DCLK2: variants seen among roughly 807,000 people sequenced by gnomAD.
The protein encoded by DCLK2 is serine/threonine-protein kinase DCLK2.
DCLK2 carries 31 observed loss-of-function variants against 78.4 expected under a neutral mutation model. The observed-to-expected ratio is 0.40, with a 90% CI of 0.30 to 0.53. The LOEUF is 0.53. Among genes scored for constraint, DCLK2 ranks in the 20% least tolerant of loss-of-function variants. DCLK2 has a pLI of 0.61. For missense variants in DCLK2, 872 were observed against 973.7 expected, an observed-to-expected ratio of 0.90 and a Z score of 1.39; for synonymous variants, 407 against 374.9, an observed-to-expected ratio of 1.09 and a Z score of -0.99.
chr4:150,196,321 G>A (rs930601412), intron 3 of DCLK2, among the ~76,000 whole-genome samples: 2 of 151,976 alleles, frequency 1.3e-5, no homozygotes, highest in Admixed American at 6.6e-5. Context: ...TAAAAGAGTA[G>A]CAATGCATTT....
intron 1 of DCLK2, among the ~76,000 whole-genome samples, chr4:150,085,596 T>C (rs1729581861): frequency 6.6e-6 from 1 of 152,158 alleles, no homozygotes; most frequent in Non-Finnish European, 1.5e-5. Context: ...CACCTGAAGC[T>C]TGGGAGATGT....
At chr4:150,176,725 G>A (rs2150273706) in intron 2 of DCLK2, among the ~76,000 whole-genome samples, 1 of 152,318 alleles carries the variant, frequency 6.6e-6, no homozygotes, top group East Asian at 1.9e-4. Context: ...AAAAGAGACT[G>A]CATTCCCTTT....
rs1196828640 is a variant in DCLK2 at position 150,256,469 on chromosome 4, C to T, written c.*222C>T. 8 of 552,248 alleles carry T rather than the reference C, an allele frequency of 1.4e-5. No homozygotes were observed. The highest frequency in any genetic ancestry group is 4.0e-5 in the African/African-American group (2 of 50,484). 34.2% of individuals were successfully genotyped at this position (552,248 alleles called of 1,614,324 possible). A position where few individuals can be genotyped will look rare whatever the true frequency, so the allele number is the denominator to read the frequency against. ...TCCTGGAGGCATCAAAGGCTGCATC[C>T]GTTCTGCCAACAGCTGTTCGGAGAG... On this transcript the variant is annotated 3_prime_UTR_variant, in exon 16 of 16. Coordinates refer to ENST00000296550, the MANE Select transcript of DCLK2 (RefSeq NM_001040260.4).
chr4:150,117,528 C>T (rs928691610), intron 2 of DCLK2, among the ~76,000 whole-genome samples: 3 of 152,148 alleles, frequency 2.0e-5, no homozygotes, highest in Non-Finnish European at 2.9e-5. Context: ...AAGATTATAT[C>T]GCAGATCTCA....
chr4:150,226,213 A>C (rs1247120102), intron 8 of DCLK2, among the ~76,000 whole-genome samples: 1 of 130,680 alleles, frequency 7.7e-6, no homozygotes, highest in Non-Finnish European at 1.6e-5. Flanking sequence ...CAGGAGGCAA[A>C]TTTGTCATTT....
At chr4:150,100,052 A>G (rs1243170716) in intron 1 of DCLK2, among the ~76,000 whole-genome samples, 1 of 152,126 alleles carries the variant, frequency 6.6e-6, no homozygotes, top group African/African-American at 2.4e-5. Flanking sequence ...AGCTGGGACT[A>G]CAGATGTGTG....
At chr4:150,079,506 C>T (rs1211633915) in intron 1 of DCLK2, 58 bp downstream of exon 1, 4 of 1,416,980 alleles carry the variant, frequency 2.8e-6, no homozygotes, top group South Asian at 1.5e-5. Flanking sequence ...GTGCAGTGGG[C>T]GTGAGCCGGC....
chr4:150,081,691 A>G (rs532199680), intron 1 of DCLK2, among the ~76,000 whole-genome samples: 1 of 151,974 alleles, frequency 6.6e-6, no homozygotes, highest in Non-Finnish European at 1.5e-5. Flanking sequence ...ATAGCAATGC[A>G]ATTTTTTTTT....
In DCLK2 at chr4:150,232,393, CATT is replaced by C. The variant is rs764986343; in HGVS notation, c.1359_1361del (p.Ile453del). 1 of 1,614,126 alleles carries C rather than the reference CATT, an allele frequency of 6.2e-7. No homozygotes were observed. The highest frequency in any genetic ancestry group is 8.5e-7 in the Non-Finnish European group (1 of 1,179,994). ...TGCGCCGAGTGAAACATCCCAATAT[CATT>C]ATGCTGGTCGAGGAGATGGAAACAG... On this transcript the variant is annotated inframe_deletion, in exon 9 of 16. Coordinates refer to ENST00000296550, the MANE Select transcript of DCLK2 (RefSeq NM_001040260.4).
intron 1 of DCLK2, 107 bp downstream of exon 1, chr4:150,079,555 G>A: frequency 8.7e-7 from 1 of 1,147,536 alleles, no homozygotes; most frequent in Non-Finnish European, 1.2e-6. Context: ...AAGCCGCACG[G>A]GAATTGATGC....
intron 1 of DCLK2, among the ~76,000 whole-genome samples, chr4:150,094,914 C>G (rs1230516940): frequency 1.3e-5 from 2 of 152,194 alleles, no homozygotes; most frequent in Admixed American, 6.5e-5. Context: ...TCAGTTCACT[C>G]TCACTTTCCA....
At chr4:150,095,239 C>T (rs1360095814) in intron 1 of DCLK2, among the ~76,000 whole-genome samples, 1 of 152,102 alleles carries the variant, frequency 6.6e-6, no homozygotes, top group Non-Finnish European at 1.5e-5. Flanking sequence ...TCCCTGTGTC[C>T]CTTCCCATTT....
intron 2 of DCLK2, among the ~76,000 whole-genome samples, chr4:150,180,390 A>T (rs1398636221): frequency 6.6e-6 from 1 of 152,174 alleles, no homozygotes; most frequent in East Asian, 1.9e-4. Flanking sequence ...AAAATTTTGG[A>T]TTGGAAGATT....
intron 3 of DCLK2, among the ~76,000 whole-genome samples, chr4:150,197,153 CAAA>C (rs56913717): frequency 2.3e-4 from 29 of 126,608 alleles, no homozygotes; most frequent in Non-Finnish European, 2.2e-4. Context: ...GACTCCGTCT[CAAA>C]AAAAAAAAAA....
intron 10 of DCLK2, 133 bp downstream of exon 10, chr4:150,232,961 CT>C: frequency 8.6e-7 from 1 of 1,157,968 alleles, no homozygotes; most frequent in Non-Finnish European, 1.2e-6. Flanking sequence ...ATTAGCAAGA[CT>C]TATGTCAATG....
intron 2 of DCLK2, among the ~76,000 whole-genome samples, chr4:150,190,529 A>C (rs1405042222): frequency 1.3e-5 from 2 of 152,192 alleles, no homozygotes; most frequent in Non-Finnish European, 2.9e-5. Context: ...CGTGCTAAGT[A>C]AAAGAAGCCA....
rs1048316462 is a variant in DCLK2 at position 150,088,723 on chromosome 4, A to C, written c.421+9275A>C. Among the ~76,000 whole-genome samples, 21 of 152,244 alleles carry C rather than the reference A, an allele frequency of 1.4e-4. 1 individual carries two copies. Among genetic ancestry groups the C allele is most frequent in the Admixed American group, 3.3e-4 (5 of 15,288 alleles). ...TACTAATGTGATACCACAAATGGAA[A>C]ATTCCATACTTAACCTCATGTGACA... On this transcript the variant is annotated intron_variant, in intron 1 of 15. Transcript: ENST00000296550.
intron 1 of DCLK2, among the ~76,000 whole-genome samples, chr4:150,081,939 A>G (rs1729324945): frequency 6.7e-6 from 1 of 150,270 alleles, no homozygotes; most frequent in Non-Finnish European, 1.5e-5. Context: ...CGGAGGTTGC[A>G]GTGAGCCAAG....
rs186337549 is a variant in DCLK2, at chr4:150,144,415, C to T, written c.756+41603C>T. Reference sequence around the variant, plus strand: ...GGTAATGTGGCTTTATTTCTGGGTTCTCTATTCTGTTCCATTGATCCGTGT... The same window carrying T: ...GGTAATGTGGCTTTATTTCTGGGTTTTCTATTCTGTTCCATTGATCCGTGT... On this transcript the variant is annotated intron_variant, in intron 2 of 15. Transcript: ENST00000296550. Among the ~76,000 whole-genome samples, 23 of 152,212 alleles carry T rather than the reference C, an allele frequency of 1.5e-4. No individual in the cohort carries two copies. In the South Asian group the frequency reaches 1.7e-3, roughly 11 times the overall value.
Sources: gnomAD v4.1 joint callset for allele counts (sites outside exome capture counted in the v4.1 genomes callset) on GRCh38, gnomAD v4.1.1 for gene constraint, MANE v1.5 for transcripts, NCBI Gene and HGNC (gene_info 2026-07-23, HGNC 2026-07-21) for gene names.